TMEM178B: variants seen among roughly 807,000 people sequenced by gnomAD.
The protein encoded by TMEM178B is transmembrane protein 178B.
A neutral mutation model predicts 31.0 loss-of-function variants in TMEM178B; 5 were observed. The ratio of observed to expected loss-of-function variants is 0.16; its 90% CI spans 0.08 to 0.34. The LOEUF (loss-of-function observed/expected upper bound fraction) is 0.34. Among genes scored for constraint, TMEM178B ranks in the 10% least tolerant of loss-of-function variants. TMEM178B has a pLI of 1.00. For missense variants in TMEM178B, 275 were observed against 400.3 expected (o/e 0.69, Z 2.67); for synonymous variants, 164 against 164.0 (o/e 1.00, Z 0.00).
rs972554859 is a variant in TMEM178B at position 141,171,666 on chromosome 7, G to A, written c.383-40925G>A. 5.3e-5 allele frequency among the ~76,000 whole-genome samples: 8 copies of A among 152,196 alleles called. No individual in the cohort carries two copies. In the East Asian group the frequency reaches 1.3e-3, roughly 26 times the overall value. On this transcript the variant is annotated intron_variant, in intron 1 of 3. Coordinates refer to ENST00000565468, the MANE Select transcript of TMEM178B (RefSeq NM_001195278.2). This position sits in a 1 kb window ranked among gnomAD's most constrained non-coding sequence, Gnocchi z 4.3. ...CAAATTCCAGACAGAGGGGATGGCT[G>A]TGGTGTCACAGCAGAGAGCCAGCAG...
At chr7:141,373,422 A>G (rs1800153953) in intron 2 of TMEM178B, among the ~76,000 whole-genome samples, 2 of 152,208 alleles carry the variant, frequency 1.3e-5, no homozygotes, top group African/African-American at 4.8e-5. Context: ...TCCCTGGGAA[A>G]TACACTACGA....
At chr7:141,407,175 G>T (rs1313025711) in intron 2 of TMEM178B, among the ~76,000 whole-genome samples, 1 of 152,172 alleles carries the variant, frequency 6.6e-6, no homozygotes, top group Non-Finnish European at 1.5e-5. Context: ...TTACTATCTG[G>T]CCCTTTACAG....
intron 2 of TMEM178B, among the ~76,000 whole-genome samples, chr7:141,231,052 A>G (rs1376756314): frequency 1.3e-5 from 2 of 152,206 alleles, no homozygotes; most frequent in African/African-American, 2.4e-5. Flanking sequence ...ATGTTCAGAA[A>G]GGAAAGCCCA....
chr7:141,373,942 G>A (rs1645477969), intron 2 of TMEM178B, among the ~76,000 whole-genome samples: 1 of 152,220 alleles, frequency 6.6e-6, no homozygotes. Context: ...CATTTAGTTA[G>A]GCATGAAATC....
At chr7:141,110,626 G>T (rs1289306775) in intron 1 of TMEM178B, among the ~76,000 whole-genome samples, 1 of 152,172 alleles carries the variant, frequency 6.6e-6, no homozygotes, top group African/African-American at 2.4e-5. Flanking sequence ...GCACATAGGA[G>T]AGCAGAATAA....
chr7:141,365,955 G>A (rs142400605), intron 2 of TMEM178B, among the ~76,000 whole-genome samples: 1 of 152,294 alleles, frequency 6.6e-6, no homozygotes, highest in East Asian at 1.9e-4. Context: ...CAGGCAAGTC[G>A]TTTAACCCTC....
At chr7:141,353,378 G>A (rs1400722381) in intron 2 of TMEM178B, among the ~76,000 whole-genome samples, 4 of 152,104 alleles carry the variant, frequency 2.6e-5, no homozygotes, top group South Asian at 2.1e-4. Context: ...TCACCCCACC[G>A]TCTCTCCAGG....
chr7:141,342,709 G>A (rs913727902), intron 2 of TMEM178B, among the ~76,000 whole-genome samples: 31 of 152,146 alleles, frequency 2.0e-4, no homozygotes, highest in African/African-American at 6.5e-4. Context: ...TCTCACATAC[G>A]GATAACTTAA....
intron 2 of TMEM178B, among the ~76,000 whole-genome samples, chr7:141,260,207 G>A (rs216994): frequency 0.68 from 103,060 of 151,850 alleles, 36,393 homozygotes; most frequent in African/African-American, 0.87. Flanking sequence ...TTGTTTTGCA[G>A]TATACTCCAA....
chr7:141,226,063 G>A (rs554221621), intron 2 of TMEM178B, among the ~76,000 whole-genome samples: 2 of 152,236 alleles, frequency 1.3e-5, no homozygotes, highest in East Asian at 1.9e-4. Flanking sequence ...GGGTGTGGAG[G>A]TGACACATTT....
At chr7:141,255,542 ATGT>A (rs749081380) in intron 2 of TMEM178B, among the ~76,000 whole-genome samples, 9 of 152,258 alleles carry the variant, frequency 5.9e-5, no homozygotes, top group Non-Finnish European at 7.3e-5. Flanking sequence ...GCTTTGTAAA[ATGT>A]TGAGAATTTT....
chr7:141,274,556 T>C (rs1210122823), intron 2 of TMEM178B, among the ~76,000 whole-genome samples: 1 of 152,234 alleles, frequency 6.6e-6, no homozygotes, highest in Non-Finnish European at 1.5e-5. Context: ...CTTCTTTTTC[T>C]ATTCCGGCTC....
At position 141,344,715 on chromosome 7, in the gene TMEM178B, C is replaced by T. The variant is rs1265466487; in HGVS notation, c.497-92893C>T. Among the ~76,000 whole-genome samples, 1 of 152,036 alleles carries T rather than the reference C, an allele frequency of 6.6e-6. No individual in the cohort carries two copies. Among genetic ancestry groups the T allele is most frequent in the Non-Finnish European group, 1.5e-5 (1 of 68,022 alleles). On this transcript the variant is annotated intron_variant, in intron 2 of 3. Transcript: ENST00000565468. The surrounding 1 kb of genome is among the most constrained non-coding windows in gnomAD (Gnocchi z 4.1). The stretch of plus-strand genomic sequence containing the variant: ...AAAGATGGACACAGAAGGTACAGCA[C>T]CCCCCAACACACACACACCAGGCCC...
At chr7:141,114,004 G>A (rs1795277506) in intron 1 of TMEM178B, among the ~76,000 whole-genome samples, 1 of 152,212 alleles carries the variant, frequency 6.6e-6, no homozygotes, top group African/African-American at 2.4e-5. Flanking sequence ...ATTTTAGTAT[G>A]AGAATCAAAG....
At chr7:141,343,630 A>AG (rs1434787298) in intron 2 of TMEM178B, among the ~76,000 whole-genome samples, 21 of 150,028 alleles carry the variant, frequency 1.4e-4, no homozygotes, top group African/African-American at 5.2e-4. Flanking sequence ...GCTCACTGCA[A>AG]GCTCCACCCC....
intron 1 of TMEM178B, among the ~76,000 whole-genome samples, chr7:141,075,798 C>A (rs1794591812): frequency 6.6e-6 from 1 of 152,128 alleles, no homozygotes; most frequent in East Asian, 1.9e-4. Flanking sequence ...GATATAAAAG[C>A]AGTTCTTAGT....
intron 2 of TMEM178B, among the ~76,000 whole-genome samples, chr7:141,345,199 A>G (rs1180619537): frequency 6.6e-6 from 1 of 152,208 alleles, no homozygotes; most frequent in Non-Finnish European, 1.5e-5. Flanking sequence ...TTTTAACCTA[A>G]CCCTAGTCAG....
intron 2 of TMEM178B, among the ~76,000 whole-genome samples, chr7:141,396,959 C>G (rs769610151): frequency 1.3e-5 from 2 of 152,164 alleles, no homozygotes; most frequent in East Asian, 1.9e-4. Flanking sequence ...AAAAAGAGAG[C>G]CAACAGGACA....
chr7:141,326,747 C>T (rs1799196866), intron 2 of TMEM178B, among the ~76,000 whole-genome samples: 1 of 152,200 alleles, frequency 6.6e-6, no homozygotes, highest in African/African-American at 2.4e-5. Flanking sequence ...GAAATGCTTA[C>T]TAGCTAATCC....
Sources: allele counts gnomAD v4.1 joint callset (sites outside exome capture counted in the v4.1 genomes callset), GRCh38; gene constraint gnomAD v4.1.1; non-coding constraint Gnocchi (gnomAD v3.1); transcripts MANE v1.5; gene names NCBI Gene and HGNC (gene_info 2026-07-23, HGNC 2026-07-21).